Variants in PPP1R21 observed in about 807,000 individuals in gnomAD.
PPP1R21 encodes the protein KLRAQ motif containing 1.
In PPP1R21, 85 loss-of-function variants were observed where a neutral mutation model predicts 112.8. The ratio of observed to expected loss-of-function variants is 0.75; its 90% confidence interval spans 0.63 to 0.90. The LOEUF (loss-of-function observed/expected upper bound fraction) is 0.90, where lower values mean the gene tolerates loss of function less well. Among genes scored for constraint, PPP1R21 ranks in the 40% least tolerant of loss-of-function variants. PPP1R21 has a pLI of 0.00. For synonymous variants in PPP1R21, 381 were observed against 322.3 expected (o/e 1.18, Z -1.95); for missense variants, 1,199 against 901.5 (o/e 1.33, Z -4.23).
chr2:48,504,819 G>C (rs1327378130), intron 17 of PPP1R21, among the ~76,000 whole-genome samples: 1 of 151,976 alleles, frequency 6.6e-6, no homozygotes, highest in Non-Finnish European at 1.5e-5. Context: ...TTAAACTGTA[G>C]AAACAAACTT....
In PPP1R21 at chr2:48,471,197, C is replaced by T. The variant is rs1272407430; in HGVS notation, c.999+9C>T. On this transcript the variant is annotated intron_variant, in intron 10 of 21. Coordinates refer to ENST00000294952, the MANE Select transcript of PPP1R21 (RefSeq NM_001135629.3). ...ATACTGTGACTGTCTTGGTAATTTT[C>T]TTCCTTGTTTTACTTCTGGAAACTG... 1 of 1,607,908 alleles carries T rather than the reference C, an allele frequency of 6.2e-7. No homozygotes were observed. The highest frequency in any genetic ancestry group is 8.5e-7 in the Non-Finnish European group (1 of 1,174,666).
intron 19 of PPP1R21, among the ~76,000 whole-genome samples, chr2:48,509,787 C>T (rs1463937989): frequency 1.3e-5 from 2 of 152,148 alleles, no homozygotes; most frequent in African/African-American, 2.4e-5. Context: ...AAACATTGAT[C>T]TTAAGTTGGT....
intron 9 of PPP1R21, among the ~76,000 whole-genome samples, chr2:48,468,544 A>G (rs909329914): frequency 6.6e-6 from 1 of 152,150 alleles, no homozygotes; most frequent in African/African-American, 2.4e-5. Flanking sequence ...CAGACACAGT[A>G]GCTCACACCT....
chr2:48,469,735 T>C (rs1360175256), intron 9 of PPP1R21, among the ~76,000 whole-genome samples: 1 of 151,990 alleles, frequency 6.6e-6, no homozygotes, highest in African/African-American at 2.4e-5. Flanking sequence ...TTACTTTGAA[T>C]AATTCATGTA....
At chr2:48,472,991 G>C (rs1668590997) in intron 11 of PPP1R21, among the ~76,000 whole-genome samples, 2 of 141,510 alleles carry the variant, frequency 1.4e-5, no homozygotes, top group African/African-American at 5.3e-5. Flanking sequence ...GGGTGATAGA[G>C]TCCCTGTCTC....
At chr2:48,498,456 T>C in intron 16 of PPP1R21, 37 bp from the exon 17 acceptor site, 1 of 1,609,952 alleles carries the variant, frequency 6.2e-7, no homozygotes, top group Non-Finnish European at 8.5e-7. Flanking sequence ...TTTATCTGTA[T>C]TAGTCTCTAA....
Position 48,511,481 on chromosome 2 carries a change from A to C in PPP1R21, c.2313+13A>C, listed in dbSNP as rs1259539223. ...GATGTCCAGTAAGGTATGTGAGGTG[A>C]GGTGAGGTAGTCTCTCTGCAATATA... is the stretch of plus-strand genomic sequence containing the variant. On this transcript the variant is annotated intron_variant, in intron 21 of 21. Transcript: ENST00000294952. The C allele has an allele frequency of 3.1e-5, 50 of 1,609,030 alleles. No homozygotes were observed. Among genetic ancestry groups the C allele is most frequent in the Non-Finnish European group, 4.0e-5 (47 of 1,178,644 alleles).
chr2:48,458,352 A>G (rs148851760), intron 4 of PPP1R21, 125 bp downstream of exon 4: 15 of 573,946 alleles, frequency 2.6e-5, no homozygotes, highest in African/African-American at 1.3e-4. Context: ...ATGGTCTTCA[A>G]GTATATATGT....
At chr2:48,506,568 C>T (rs1231382134) in intron 18 of PPP1R21, among the ~76,000 whole-genome samples, 1 of 152,154 alleles carries the variant, frequency 6.6e-6, no homozygotes, top group East Asian at 1.9e-4. Flanking sequence ...CTAAACTCAA[C>T]AGGGTGTCAT....
chr2:48,498,405 T>C (rs1669947459), intron 16 of PPP1R21, 88 bp from the exon 17 acceptor site: 1 of 1,363,008 alleles, frequency 7.3e-7, no homozygotes, highest in Non-Finnish European at 1.0e-6. Context: ...GTGGGGTAGT[T>C]TTGGTTTACA....
intron 14 of PPP1R21, among the ~76,000 whole-genome samples, chr2:48,490,422 G>A (rs1478166648): frequency 6.6e-6 from 1 of 152,088 alleles, no homozygotes; most frequent in Non-Finnish European, 1.5e-5. Flanking sequence ...ATTACCAAAT[G>A]CCACAGATTC....
At chr2:48,474,536 A>G in intron 11 of PPP1R21, 147 bp from the exon 12 acceptor site, 1 of 656,452 alleles carries the variant, frequency 1.5e-6, no homozygotes, top group South Asian at 2.0e-5. Context: ...TCATGATGTA[A>G]AAAAATGGAG....
chr2:48,465,194 G>A (rs1668146605), intron 8 of PPP1R21, among the ~76,000 whole-genome samples: 1 of 152,044 alleles, frequency 6.6e-6, no homozygotes, highest in African/African-American at 2.4e-5. Flanking sequence ...TATCTCCCTT[G>A]TCTGATAACA....
intron 1 of PPP1R21, among the ~76,000 whole-genome samples, chr2:48,444,173 G>A (rs561475755): frequency 6.6e-6 from 1 of 152,314 alleles, no homozygotes; most frequent in South Asian, 2.1e-4. Context: ...CTAAAAGAAA[G>A]TGTTATGGAA....
intron 21 of PPP1R21, among the ~76,000 whole-genome samples, chr2:48,511,849 C>T (rs996575149): frequency 3.3e-5 from 5 of 151,614 alleles, no homozygotes; most frequent in Admixed American, 6.6e-5. Flanking sequence ...CCAGCCTGTG[C>T]GACAGAGTGA....
At chr2:48,480,567 G>A (rs752115684) in intron 13 of PPP1R21, among the ~76,000 whole-genome samples, 8 of 152,198 alleles carry the variant, frequency 5.3e-5, no homozygotes, top group Admixed American at 2.0e-4. Context: ...CTGAAAGGCC[G>A]AGGGGAACCT....
At chr2:48,495,235 G>A (rs916805262) in intron 15 of PPP1R21, among the ~76,000 whole-genome samples, 1 of 151,258 alleles carries the variant, frequency 6.6e-6, no homozygotes, top group Admixed American at 6.6e-5. Context: ...ACGGAGTCTC[G>A]CTCTGTTGTC....
intron 14 of PPP1R21, among the ~76,000 whole-genome samples, chr2:48,488,923 T>C (rs908084791): frequency 1.3e-5 from 2 of 152,192 alleles, no homozygotes; most frequent in African/African-American, 4.8e-5. Flanking sequence ...CCTCACAATG[T>C]ACTACCATGA....
chr2:48,450,722 G>A lies in PPP1R21; in HGVS notation c.58-286G>A, dbSNP rs553708597. 2.0e-5 allele frequency among the ~76,000 whole-genome samples: 3 copies of A among 152,102 alleles called. No individual in the cohort carries two copies. In the East Asian group the frequency reaches 5.8e-4, roughly 29 times the overall value. ...GGGATGGGACTTGGTTTTATAGAAAGAGTGACACACTAGAAATCAGGAGAC... is the reference window on the plus strand; with the variant it reads ...GGGATGGGACTTGGTTTTATAGAAAAAGTGACACACTAGAAATCAGGAGAC... On this transcript the variant is annotated intron_variant, in intron 1 of 21. Coordinates refer to ENST00000294952, the MANE Select transcript of PPP1R21 (RefSeq NM_001135629.3).
Sources: gnomAD v4.1 joint callset for allele counts (sites outside exome capture counted in the v4.1 genomes callset) on GRCh38, gnomAD v4.1.1 for gene constraint, MANE v1.5 for transcripts, NCBI Gene and HGNC (gene_info 2026-07-23, HGNC 2026-07-21) for gene names.